The following ACOX1 variants were observed in gnomAD, a reference collection of about 807,000 sequenced individuals.
The protein encoded by ACOX1 is acyl-CoA oxidase 1.
A neutral mutation model predicts 75.5 loss-of-function variants in ACOX1; 41 were observed. The ratio of observed to expected loss-of-function variants is 0.54; its 90% confidence interval spans 0.42 to 0.70. The LOEUF is 0.70. Ranked by LOEUF, ACOX1 falls within the 30% of genes least tolerant of loss-of-function variation. ACOX1 has a pLI of 0.00. For synonymous variants in ACOX1, 303 were observed against 298.8 expected (o/e 1.01, Z -0.15); for missense variants, 630 against 837.5 (o/e 0.75, Z 3.06).
At chr17:75,977,566 A>AAAAAAC (rs368163019) in intron 2 of ACOX1, among the ~76,000 whole-genome samples, 2,980 of 152,218 alleles carry the variant, frequency 0.02, 74 homozygotes, top group East Asian at 0.13. Context: ...ACTCCGTCTC[A>AAAAAAC]AAAAACAAAA....
At chr17:75,964,546 TA>T (rs1008777435) in intron 2 of ACOX1, among the ~76,000 whole-genome samples, 1 of 152,110 alleles carries the variant, frequency 6.6e-6, no homozygotes, top group African/African-American at 2.4e-5. Context: ...AGGGCAGGGG[TA>T]AAACCACTAT....
chr17:75,960,709 G>C lies in ACOX1; in HGVS notation c.270-334C>G, dbSNP rs7218656. Among the ~76,000 whole-genome samples, 1 of 152,168 alleles carries C rather than the reference G, an allele frequency of 6.6e-6. No individual in the cohort carries two copies. Among genetic ancestry groups the C allele is most frequent in the South Asian group, 2.1e-4 (1 of 4,832 alleles). On this transcript the variant is annotated intron_variant, in intron 2 of 13. Coordinates refer to ENST00000293217, the MANE Select transcript of ACOX1 (RefSeq NM_004035.7). The surrounding 1 kb of genome is among the most constrained non-coding windows in gnomAD (Gnocchi z 4.4). The stretch of plus-strand genomic sequence containing the variant: ...AGAAAATTTGAGAGGCCAGTGCAGT[G>C]GATCATGCCTACAATCTCAGCACTT...
chr17:75,959,247 C>G (rs1217064294), intron 3 of ACOX1, among the ~76,000 whole-genome samples: 2 of 152,138 alleles, frequency 1.3e-5, no homozygotes. Flanking sequence ...GAGTGGGAGT[C>G]AACAAATCAG....
chr17:75,978,345 G>C lies in ACOX1; in HGVS notation c.269+189C>G, dbSNP rs1283200836. 7.3e-5 allele frequency: 45 copies of C among 615,660 alleles called. 1 individual carries two copies. 38.1% of individuals were successfully genotyped at this position (615,660 alleles called of 1,614,324 possible). On this transcript the variant is annotated intron_variant, in intron 2 of 13. Coordinates refer to ENST00000293217, the MANE Select transcript of ACOX1 (RefSeq NM_004035.7). This position sits in a 1 kb window ranked among gnomAD's most constrained non-coding sequence, Gnocchi z 4.2. ...CCTGACTTGGTGATCCGCCCGCCTC[G>C]GCCTCCCAAAGTGCTGGGATTACAG...
At position 75,944,299 on chromosome 17, in the gene ACOX1, C is replaced by T. The variant is rs975061175; in HGVS notation, c.*2449G>A. The T allele has an allele frequency of 6.6e-6, 1 of 152,192 alleles. No individual in the cohort carries two copies. The highest frequency in any genetic ancestry group is 2.4e-5 in the African/African-American group (1 of 41,450). The allele number at this position is 152,192 out of a possible 1,614,324, so 9.4% of individuals were successfully genotyped here. Reference sequence around the variant, plus strand: ...GACAAGGTTAAAATGTATCTTTGTACTTGTGAAAATGGCTTACAAAATTTT... The same window carrying T: ...GACAAGGTTAAAATGTATCTTTGTATTTGTGAAAATGGCTTACAAAATTTT... On this transcript the variant is annotated 3_prime_UTR_variant, in exon 14 of 14. Transcript: ENST00000293217.
intron 2 of ACOX1, chr17:75,973,669 C>A: frequency 6.2e-7 from 1 of 1,614,196 alleles, no homozygotes; most frequent in Non-Finnish European, 8.5e-7. Flanking sequence ...TATCTGGAGT[C>A]CTTTGGATGA....
intron 7 of ACOX1, 142 bp from the exon 8 acceptor site, chr17:75,951,719 C>T (rs1181761531): frequency 2.7e-5 from 21 of 769,532 alleles, no homozygotes; most frequent in Non-Finnish European, 4.4e-5. Flanking sequence ...CTATTACTAT[C>T]TCCATTTTAC....
intron 4 of ACOX1, among the ~76,000 whole-genome samples, chr17:75,956,924 T>C (rs1440660970): frequency 2.3e-4 from 8 of 34,780 alleles, no homozygotes; most frequent in Non-Finnish European, 3.6e-4. Context: ...TCTCTCTCTC[T>C]CTCTCTCTCT....
chr17:75,975,853 C>CAG (rs35921553), intron 2 of ACOX1, among the ~76,000 whole-genome samples: 4,645 of 127,138 alleles, frequency 0.037, 74 homozygotes, highest in Middle Eastern at 0.063. Context: ...AATGGAAATG[C>CAG]AGAGAGAGAG....
At chr17:75,952,409 C>T (rs1323706912) in intron 7 of ACOX1, among the ~76,000 whole-genome samples, 1 of 151,782 alleles carries the variant, frequency 6.6e-6, no homozygotes, top group East Asian at 2.0e-4. Flanking sequence ...ATTCTCCTGC[C>T]TCAGTCTCCC....
Position 75,943,660 on chromosome 17 carries a change from T to C in ACOX1, c.*3088A>G, listed in dbSNP as rs1335410198. The C allele has an allele frequency of 6.6e-6, 1 of 152,242 alleles. No individual in the cohort carries two copies. Among genetic ancestry groups the C allele is most frequent in the African/African-American group, 2.4e-5 (1 of 41,464 alleles). The allele number at this position is 152,242 out of a possible 1,614,324, so 9.4% of individuals were successfully genotyped here. A position where few individuals can be genotyped will look rare whatever the true frequency, so the allele number is the denominator to read the frequency against. ...ATGAACACGGTGAATGTTGTAATGTTCTGAAGATAAGCTGATACTTAGTAG... is the reference window on the plus strand; with the variant it reads ...ATGAACACGGTGAATGTTGTAATGTCCTGAAGATAAGCTGATACTTAGTAG... On this transcript the variant is annotated 3_prime_UTR_variant, in exon 14 of 14. Transcript: ENST00000293217.
At chr17:75,957,700 T>A in intron 3 of ACOX1, 134 bp from the exon 4 acceptor site, 1 of 667,924 alleles carries the variant, frequency 1.5e-6, no homozygotes. Flanking sequence ...CACCTGTAGA[T>A]GAGCTACAAC....
At position 75,967,243 on chromosome 17, in the gene ACOX1, G is replaced by C. The variant is rs142703020; in HGVS notation, c.270-6868C>G. 7.2e-3 allele frequency among the ~76,000 whole-genome samples: 1,103 copies of C among 152,192 alleles called. 13 individuals are homozygous for C. The highest frequency in any genetic ancestry group is 0.025 in the African/African-American group (1,029 of 41,522). ...CCTAGCACTTTGGGAGACCGAGGCG[G>C]GTGGATCACAAGGTCAGGAGATCGA... On this transcript the variant is annotated intron_variant, in intron 2 of 13. Transcript: ENST00000293217.
intron 3 of ACOX1, among the ~76,000 whole-genome samples, chr17:75,959,383 T>C (rs926835265): frequency 1.3e-5 from 2 of 152,196 alleles, no homozygotes; most frequent in Non-Finnish European, 1.5e-5. Context: ...TGGAGTCTCA[T>C]GAAAATCCTG....
At position 75,945,364 on chromosome 17, in the gene ACOX1, G is replaced by A. The variant is rs1385635251; in HGVS notation, c.*1384C>T. ...TATCAATTAGTTCTCCCAGTGGAAC[G>A]ATTAAGGCTTTTGTCAACATGTAGC... On this transcript the variant is annotated 3_prime_UTR_variant, in exon 14 of 14. Transcript: ENST00000293217. 1 of 152,092 alleles carries A rather than the reference G, an allele frequency of 6.6e-6. No homozygotes were observed. The highest frequency in any genetic ancestry group is 1.9e-4 in the East Asian group (1 of 5,196). 9.4% of individuals were successfully genotyped at this position (152,092 alleles called of 1,614,324 possible). A position where few individuals can be genotyped will look rare whatever the true frequency, so the allele number is the denominator to read the frequency against.
In ACOX1 at chr17:75,949,792, T is replaced by C; in HGVS notation, c.1404A>G (p.Val468=). Residue 468 remains valine (V), a synonymous_variant, in exon 10 of 14, where the codon GTA becomes GTG. Coordinates refer to ENST00000293217, the MANE Select transcript of ACOX1 (RefSeq NM_004035.7). ...TATCCACCATGGTTGGCCAGACTGC[T>C]ACCTGCTGTGGCTGGATGCGCTGAC... ...LPSQRIQPQQ[V]AVWPTMVDIN... The C allele has an allele frequency of 6.2e-7, 1 of 1,614,198 alleles. No homozygotes were observed. Among genetic ancestry groups the C allele is most frequent in the African/African-American group, 1.3e-5 (1 of 75,058 alleles).
intron 2 of ACOX1, among the ~76,000 whole-genome samples, chr17:75,966,569 C>T (rs796294608): frequency 1.3e-3 from 198 of 150,260 alleles, no homozygotes; most frequent in African/African-American, 4.7e-3. Flanking sequence ...TCTGGGAGGC[C>T]GAGGTGGGTG....
chr17:75,970,269 A>T (rs2065982398), intron 2 of ACOX1, among the ~76,000 whole-genome samples: 1 of 152,040 alleles, frequency 6.6e-6, no homozygotes, highest in Admixed American at 6.6e-5. Context: ...ATCTCCAGAA[A>T]TGGCCACATC....
chr17:75,949,653 T>G, intron 10 of ACOX1, 53 bp from the exon 11 acceptor site: 1 of 1,613,242 alleles, frequency 6.2e-7, no homozygotes, highest in Non-Finnish European at 8.5e-7. Flanking sequence ...TACTCATGCC[T>G]TCTTGCCATC....
Sources: allele counts gnomAD v4.1 joint callset (sites outside exome capture counted in the v4.1 genomes callset), GRCh38; gene constraint gnomAD v4.1.1; non-coding constraint Gnocchi (gnomAD v3.1); transcripts MANE v1.5; gene names NCBI Gene and HGNC (gene_info 2026-07-23, HGNC 2026-07-21).